BNIP5: variants seen among roughly 807,000 people sequenced by gnomAD.
The protein encoded by BNIP5 is protein BNIP5.
A neutral mutation model predicts 67.3 loss-of-function variants in BNIP5; 61 were observed. The observed-to-expected ratio is 0.91, with a 90% CI of 0.74 to 1.12. The LOEUF is 1.12. BNIP5 is among the 50% of genes most tolerant of loss of function. BNIP5 has a pLI of 0.00. For missense variants in BNIP5, 826 were observed against 816.3 expected (o/e 1.01, Z -0.14); for synonymous variants, 317 against 319.0 (o/e 0.99, Z 0.07).
chr6:36,319,152 G>A (rs1771578368), intron 11 of BNIP5, among the ~76,000 whole-genome samples: 1 of 152,194 alleles, frequency 6.6e-6, no homozygotes, highest in African/African-American at 2.4e-5. Context: ...AGTAAAATCA[G>A]TGAGGTTTCA....
In BNIP5 at chr6:36,328,711, C is replaced by T; in HGVS notation, c.614G>A (p.Gly205Glu). 1.2e-6 allele frequency: 2 copies of T among 1,607,378 alleles called. No homozygotes were observed. The highest frequency in any genetic ancestry group is 1.7e-6 in the Non-Finnish European group (2 of 1,173,902). Residue 205 changes from glycine to glutamate, a missense_variant, in exon 3 of 12, where the codon GGG (glycine) becomes GAG (glutamate). By Grantham distance (98) the Gly-to-Glu change is moderately conservative (BLOSUM62 -2). Coordinates refer to ENST00000437635, the MANE Select transcript of BNIP5 (RefSeq NM_001010903.5). Reference protein sequence around the residue: ...EADLGPARRGGEDSDHQSFLI... With the variant: ...EADLGPARRGEEDSDHQSFLI... ...GAAGGACTGGTGATCAGAATCTTCC[C>T]CACCTGGAATAGAGACGAAAGCAAA...
intron 11 of BNIP5, 100 bp downstream of exon 11, chr6:36,319,256 A>G: frequency 6.9e-7 from 1 of 1,439,090 alleles, no homozygotes; most frequent in South Asian, 1.3e-5. Flanking sequence ...TGAACTGAGC[A>G]GGGGAGGGGA....
rs780758908 is a variant in BNIP5, at chr6:36,324,117, C to T, written c.1230+12G>A. Reference sequence around the variant, plus strand: ...AGTGAGGTCAGGGTTACATGGGGAGCGTCTTCCTCACCTCCTCTCCTTGCT... The same window carrying T: ...AGTGAGGTCAGGGTTACATGGGGAGTGTCTTCCTCACCTCCTCTCCTTGCT... On this transcript the variant is annotated intron_variant, in intron 7 of 11. Coordinates refer to ENST00000437635, the MANE Select transcript of BNIP5 (RefSeq NM_001010903.5). 3.7e-6 allele frequency: 6 copies of T among 1,608,886 alleles called. No homozygotes were observed. Among genetic ancestry groups the T allele is most frequent in the African/African-American group, 1.3e-5 (1 of 74,842 alleles).
intron 6 of BNIP5, 130 bp from the exon 7 acceptor site, chr6:36,324,320 G>C: frequency 5.1e-6 from 4 of 777,638 alleles, no homozygotes; most frequent in Non-Finnish European, 9.0e-6. Flanking sequence ...GCCAGAGGTG[G>C]CCTGAGGGCA....
At position 36,316,738 on chromosome 6, in the gene BNIP5, T is replaced by C; in HGVS notation, c.*618A>G. 2.5e-6 allele frequency: 1 copy of C among 398,788 alleles called. No homozygotes were observed. Among genetic ancestry groups the C allele is most frequent in the Non-Finnish European group, 4.4e-6 (1 of 226,198 alleles). The allele number at this position is 398,788 out of a possible 1,614,324, so 24.7% of individuals were successfully genotyped here. A position where few individuals can be genotyped will look rare whatever the true frequency, so the allele number is the denominator to read the frequency against. On this transcript the variant is annotated 3_prime_UTR_variant, in exon 12 of 12. Coordinates refer to ENST00000437635, the MANE Select transcript of BNIP5 (RefSeq NM_001010903.5). ...GTGCAAGGTATCAGCTCCATTTCTC[T>C]AGTCATAGAATGACAGGACACAGGG...
chr6:36,322,637 A>C (rs1771662705), intron 8 of BNIP5, among the ~76,000 whole-genome samples, 195 bp from the exon 9 acceptor site: 1 of 152,044 alleles, frequency 6.6e-6, no homozygotes, highest in Non-Finnish European at 1.5e-5. Context: ...TTCGCCCACC[A>C]ACCCTTTCTG....
At chr6:36,329,934 A>AAGGG (rs1004313897) in intron 2 of BNIP5, 147 bp downstream of exon 2, 31 of 762,472 alleles carry the variant, frequency 4.1e-5, no homozygotes, top group South Asian at 6.0e-5. Context: ...GGGAGGGAGG[A>AAGGG]AGGGAGGGAG....
intron 1 of BNIP5, among the ~76,000 whole-genome samples, chr6:36,335,684 T>C (rs1771998456): frequency 6.6e-6 from 1 of 152,228 alleles, no homozygotes; most frequent in African/African-American, 2.4e-5. Flanking sequence ...GAGAGCCGTT[T>C]CATTGACATG....
chr6:36,325,739 G>A (rs1771748267), intron 5 of BNIP5, among the ~76,000 whole-genome samples: 1 of 152,156 alleles, frequency 6.6e-6, no homozygotes, highest in Non-Finnish European at 1.5e-5. Flanking sequence ...GAATCCCCCT[G>A]CATGAAAATA....
Position 36,316,338 on chromosome 6 carries a change from G to T in BNIP5, c.*1018C>A. ...AACATGTGGCAAATTTCACACCTGA[G>T]TCAAGCTATTGAAACTGTTGAGCTA... On this transcript the variant is annotated 3_prime_UTR_variant, in exon 12 of 12. Coordinates refer to ENST00000437635, the MANE Select transcript of BNIP5 (RefSeq NM_001010903.5). 1 of 396,858 alleles carries T rather than the reference G, an allele frequency of 2.5e-6. No individual in the cohort carries two copies. The highest frequency in any genetic ancestry group is 4.4e-6 in the Non-Finnish European group (1 of 225,474). The allele number at this position is 396,858 out of a possible 1,614,324, so 24.6% of individuals were successfully genotyped here.
intron 2 of BNIP5, among the ~76,000 whole-genome samples, chr6:36,329,632 G>A (rs1771838877): frequency 6.6e-6 from 1 of 152,076 alleles, no homozygotes; most frequent in Non-Finnish European, 1.5e-5. Flanking sequence ...CCAACATGGT[G>A]AAACCCTGTC....
chr6:36,321,878 A>C (rs28525524), intron 9 of BNIP5, among the ~76,000 whole-genome samples: 16,384 of 152,184 alleles, frequency 0.11, 1,481 homozygotes, highest in East Asian at 0.43. Context: ...AGGCTAATTC[A>C]TTTGTGGACT....
At position 36,328,654 on chromosome 6, in the gene BNIP5, T is replaced by A; in HGVS notation, c.671A>T (p.Asp224Val). ...ATGACCTGTGGCATGGGGAGAAACA[T>A]CCAAAGCTCCAGTACCATCCACTTT... The part of the protein sequence containing the change: ...LIKVDGTGAL[D>V]VSPHATGHQQ... The change falls in exon 3 of 12, where the codon GAT (aspartate) becomes GTT (valine). Residue 224 changes from aspartate (D) to valine (V), a missense_variant. Coordinates refer to ENST00000437635, the MANE Select transcript of BNIP5 (RefSeq NM_001010903.5). 6.2e-7 allele frequency: 1 copy of A among 1,614,072 alleles called. No individual in the cohort carries two copies. Among genetic ancestry groups the A allele is most frequent in the Non-Finnish European group, 8.5e-7 (1 of 1,179,972 alleles).
Position 36,327,011 on chromosome 6 carries a change from T to C in BNIP5, c.792+19A>G, listed in dbSNP as rs1362818330. 2 of 1,611,172 alleles carry C rather than the reference T, an allele frequency of 1.2e-6. No individual in the cohort carries two copies. The highest frequency in any genetic ancestry group is 1.3e-5 in the African/African-American group (1 of 74,996). ...AGAAGGCAGAGAGCCCCTGGAGACCTGCAAAGTTTACTCCTCACCTCTTCT... is the reference window on the plus strand; with the variant it reads ...AGAAGGCAGAGAGCCCCTGGAGACCCGCAAAGTTTACTCCTCACCTCTTCT... On this transcript the variant is annotated intron_variant, in intron 4 of 11. Transcript: ENST00000437635.
rs951956757 is a variant in BNIP5, at chr6:36,330,328, C to T, written c.363G>A (p.Arg121=). The T allele has an allele frequency of 6.2e-7, 1 of 1,614,228 alleles. No homozygotes were observed. Among genetic ancestry groups the T allele is most frequent in the East Asian group, 2.2e-5 (1 of 44,884 alleles). The change falls in exon 2 of 12, where the codon AGG becomes AGA. Residue 121 remains arginine, a synonymous_variant. Transcript: ENST00000437635. ...AGATACCCTCCTTCCCCCTTGGCCT[C>T]CTGCTGGCCTTTTCTCTGGGCTCCT... ...GPEEPREKAS[R]RPRGKEGISQ...
At chr6:36,330,964 G>A (rs949509839) in intron 1 of BNIP5, among the ~76,000 whole-genome samples, 45 of 152,140 alleles carry the variant, frequency 3.0e-4, no homozygotes, top group African/African-American at 9.9e-4. Flanking sequence ...GGGTTTCACC[G>A]TGTTGGCCAG....
intron 8 of BNIP5, among the ~76,000 whole-genome samples, 200 bp from the exon 9 acceptor site, chr6:36,322,642 T>C (rs1180864989): frequency 6.6e-6 from 1 of 152,104 alleles, no homozygotes; most frequent in African/African-American, 2.4e-5. Context: ...CCACCAACCC[T>C]TTCTGCCTCC....
Position 36,325,325 on chromosome 6 carries a change from C to T in BNIP5, c.1126G>A (p.Glu376Lys), listed in dbSNP as rs375540037. 3.2e-5 allele frequency: 51 copies of T among 1,614,060 alleles called. No individual in the cohort carries two copies. The African/African-American group carries it at 6.4e-4, about 20-fold the overall frequency. The change falls in exon 6 of 12, where the codon GAA (glutamate) becomes AAA (lysine). Residue 376 changes from glutamate to lysine, a missense_variant. Glu to Lys is a moderately conservative substitution (Grantham distance 56). Coordinates refer to ENST00000437635, the MANE Select transcript of BNIP5 (RefSeq NM_001010903.5). Reference protein sequence around the residue: ...SVLPTPSESQEPGEELPLDRA... With the variant: ...SVLPTPSESQKPGEELPLDRA... ...TCCAGCGGAAGCTCCTCTCCAGGTT[C>T]CTGGCTCTCTGATGGGGTGGGAAGC...
At chr6:36,324,808 A>G (rs943238901) in intron 6 of BNIP5, among the ~76,000 whole-genome samples, 1 of 150,854 alleles carries the variant, frequency 6.6e-6, no homozygotes, top group Admixed American at 6.6e-5. Flanking sequence ...AATAATAGCA[A>G]CAAATGGCAC....
Sources: gnomAD v4.1 joint callset for allele counts (sites outside exome capture counted in the v4.1 genomes callset) on GRCh38, gnomAD v4.1.1 for gene constraint, MANE v1.5 for transcripts, NCBI Gene and HGNC (gene_info 2026-07-23, HGNC 2026-07-21) for gene names.